The following TSPAN7 variants were observed in gnomAD, a reference collection of about 807,000 sequenced individuals.
TSPAN7 encodes tetraspanin-7.
A neutral mutation model predicts 17.6 loss-of-function variants in TSPAN7; 1 was observed. The observed-to-expected ratio is 0.06, with a 90% confidence interval of 0.02 to 0.27. The LOEUF is 0.27. TSPAN7 is among the 10% of genes least tolerant of loss of function. The pLI is 1.00. For synonymous variants in TSPAN7, 78 were observed against 79.0 expected (o/e 0.99, Z 0.07); for missense variants, 112 against 201.7 (o/e 0.56, Z 2.69).
chrX:38,615,554 G>C (rs748191509), intron 1 of TSPAN7, among the ~76,000 whole-genome samples: 3 of 110,234 alleles, frequency 2.7e-5, no homozygotes, highest in African/African-American at 9.9e-5. Flanking sequence ...CCAGTTTTTT[G>C]TTTTTTGTTT....
chrX:38,683,802 C>T (rs1324246596), intron 6 of TSPAN7, among the ~76,000 whole-genome samples: 1 of 113,208 alleles, frequency 8.8e-6, no homozygotes, highest in Non-Finnish European at 1.9e-5. Context: ...AAAGAACCAG[C>T]CCTACTGATT....
chrX:38,585,985 T>A, intron 1 of TSPAN7, among the ~76,000 whole-genome samples: 1 of 112,575 alleles, frequency 8.9e-6, no homozygotes, highest in Non-Finnish European at 1.9e-5. Flanking sequence ...TCTTTATAAA[T>A]CACAGAGTCT....
At position 38,673,449 on chromosome X, in the gene TSPAN7, C is replaced by A. The variant is rs780608434; in HGVS notation, c.346-772C>A. Among the ~76,000 whole-genome samples, 413 of 105,030 alleles carry A rather than the reference C, an allele frequency of 3.9e-3. 5 individuals are homozygous for A. Among genetic ancestry groups the A allele is most frequent in the Non-Finnish European group, 6.8e-3 (351 of 51,476 alleles). 91.2% of individuals were successfully genotyped at this position (105,030 alleles called of 115,157 possible). A position where few individuals can be genotyped will look rare whatever the true frequency, so the allele number is the denominator to read the frequency against. On this transcript the variant is annotated intron_variant, in intron 3 of 7. Transcript: ENST00000378482. ...GTGGCACAATCTCTGCTTACTGCAA[C>A]CTCTGCCTCCTGGGTTCAAGCGATT...
chrX:38,612,787 G>A (rs1464799822), intron 1 of TSPAN7: 1 of 111,701 alleles, frequency 9.0e-6, no homozygotes, highest in Non-Finnish European at 1.9e-5. Context: ...GTTGTCTTCT[G>A]TTTCTACTAT....
intron 1 of TSPAN7, among the ~76,000 whole-genome samples, chrX:38,636,594 G>C (rs984825979): frequency 7.2e-5 from 8 of 111,879 alleles, no homozygotes; most frequent in African/African-American, 2.6e-4. Flanking sequence ...CACCTGGTGG[G>C]AGGCAGGCCC....
At chrX:38,585,491 T>C (rs1229779262) in intron 1 of TSPAN7, among the ~76,000 whole-genome samples, 1 of 112,236 alleles carries the variant, frequency 8.9e-6, no homozygotes, top group Non-Finnish European at 1.9e-5. Context: ...ATTAATAAAT[T>C]ACATTTTTAA....
intron 1 of TSPAN7, among the ~76,000 whole-genome samples, chrX:38,662,091 G>A (rs934095389): frequency 4.5e-5 from 5 of 111,499 alleles, no homozygotes; most frequent in African/African-American, 1.3e-4. Context: ...CCCTTTGCTT[G>A]TAGGTGAGTT....
chrX:38,658,762 C>A (rs1191780475), intron 1 of TSPAN7, among the ~76,000 whole-genome samples: 3 of 111,393 alleles, frequency 2.7e-5, no homozygotes, highest in Non-Finnish European at 5.6e-5. Context: ...CTCCTAAATT[C>A]AAGCCCCACA....
chrX:38,565,737 C>A (rs2069139335), intron 1 of TSPAN7, among the ~76,000 whole-genome samples: 1 of 112,197 alleles, frequency 8.9e-6, no homozygotes. Flanking sequence ...GAAGTCTACA[C>A]TTTTGAAAGA....
chrX:38,657,289 T>C (rs1439561535), intron 1 of TSPAN7, among the ~76,000 whole-genome samples: 1 of 111,835 alleles, frequency 8.9e-6, no homozygotes, highest in Non-Finnish European at 1.9e-5. Context: ...CAAGGTGGCA[T>C]TTATTATTAT....
At chrX:38,637,439 A>G (rs1451047246) in intron 1 of TSPAN7, among the ~76,000 whole-genome samples, 1 of 112,142 alleles carries the variant, frequency 8.9e-6, no homozygotes, top group African/African-American at 3.2e-5. Context: ...AGACTTAGAA[A>G]TGTCATGGCT....
intron 1 of TSPAN7, among the ~76,000 whole-genome samples, chrX:38,651,534 T>A (rs1480194641): frequency 9.0e-6 from 1 of 111,635 alleles, no homozygotes; most frequent in Non-Finnish European, 1.9e-5. Context: ...ATGAAATGAT[T>A]ATTGTCTTTG....
At chrX:38,665,382 G>A (rs1402831731) in intron 1 of TSPAN7, among the ~76,000 whole-genome samples, 1 of 111,513 alleles carries the variant, frequency 9.0e-6, no homozygotes, top group Non-Finnish European at 1.9e-5. Context: ...AGCTGCCAGG[G>A]CGTGTGGCCT....
intron 1 of TSPAN7, among the ~76,000 whole-genome samples, chrX:38,633,253 G>A (rs952160753): frequency 8.9e-6 from 1 of 111,904 alleles, no homozygotes; most frequent in Non-Finnish European, 1.9e-5. Flanking sequence ...CTATTAAGGA[G>A]CTGATTCTCC....
intron 1 of TSPAN7, among the ~76,000 whole-genome samples, chrX:38,616,492 C>A (rs2069456896): frequency 8.9e-6 from 1 of 112,262 alleles, no homozygotes; most frequent in Admixed American, 9.4e-5. Flanking sequence ...AGAATACAGT[C>A]ATGGATTCTT....
At chrX:38,639,529 C>A (rs775666800) in intron 1 of TSPAN7, among the ~76,000 whole-genome samples, 1 of 100,947 alleles carries the variant, frequency 9.9e-6, no homozygotes, top group South Asian at 5.1e-4. Context: ...TGAATCCCAC[C>A]TTTTGTGAAA....
chrX:38,656,971 C>T (rs1358558786), intron 1 of TSPAN7, among the ~76,000 whole-genome samples: 2 of 112,252 alleles, frequency 1.8e-5, no homozygotes, highest in African/African-American at 3.2e-5. Context: ...TCTCAATGTA[C>T]GGATATGTGT....
intron 1 of TSPAN7, among the ~76,000 whole-genome samples, chrX:38,568,992 C>T (rs2069156479): frequency 9.0e-6 from 1 of 111,284 alleles, no homozygotes; most frequent in Non-Finnish European, 1.9e-5. Context: ...TAATATCTCT[C>T]TGAAAATATT....
chrX:38,625,312 T>A (rs1003719054), intron 1 of TSPAN7, among the ~76,000 whole-genome samples: 7 of 111,508 alleles, frequency 6.3e-5, no homozygotes, highest in Admixed American at 1.9e-4. Flanking sequence ...AGGCAAAGTC[T>A]AGTAGGATTC....
Sources: gnomAD v4.1 joint callset for allele counts (sites outside exome capture counted in the v4.1 genomes callset) on GRCh38, gnomAD v4.1.1 for gene constraint, MANE v1.5 for transcripts, NCBI Gene and HGNC (gene_info 2026-07-23, HGNC 2026-07-21) for gene names.